The following LSM14A variants were observed in gnomAD, a reference collection of about 807,000 sequenced individuals.
LSM14A encodes LSM14A mRNA processing body assembly factor, also known as protein LSM14 homolog A.
Under a neutral mutation model 52.4 loss-of-function variants are expected in LSM14A, and 14 were observed. The observed-to-expected ratio is 0.27, with a 90% CI of 0.18 to 0.42. The LOEUF (loss-of-function observed/expected upper bound fraction) is 0.42. Among genes scored for constraint, LSM14A ranks in the 10% least tolerant of loss-of-function variants. The pLI is 1.00. For synonymous variants in LSM14A, 185 were observed against 200.3 expected, an observed-to-expected ratio of 0.92 and a Z score of 0.64; for missense variants, 417 against 581.8, an observed-to-expected ratio of 0.72 and a Z score of 2.91.
intron 3 of LSM14A, 51 bp downstream of exon 3, chr19:34,196,814 T>C (rs1413821284): frequency 2.0e-6 from 3 of 1,503,496 alleles, no homozygotes; most frequent in Non-Finnish European, 2.7e-6. Context: ...TTCCTTTCTT[T>C]ACCACAAAGG....
chr19:34,192,316 G>GGTTTTTTTTTTTT (rs1341848304), intron 1 of LSM14A, among the ~76,000 whole-genome samples: 2 of 65,822 alleles, frequency 3.0e-5, no homozygotes, highest in South Asian at 4.4e-4. Flanking sequence ...CATTCTTTTT[G>GGTTTTTTTTTTTT]TTGTTTTTTT....
chr19:34,213,600 ATAT>A (rs1219362101), intron 4 of LSM14A, among the ~76,000 whole-genome samples: 1 of 152,176 alleles, frequency 6.6e-6, no homozygotes, highest in African/African-American at 2.4e-5. Context: ...GCAAAACATT[ATAT>A]TTTGGAATAA....
intron 4 of LSM14A, among the ~76,000 whole-genome samples, chr19:34,214,818 T>C (rs2072455917): frequency 2.1e-5 from 2 of 93,190 alleles, no homozygotes; most frequent in South Asian, 9.5e-4. Context: ...TGGCAGCAAT[T>C]TTTTTTTTTT....
chr19:34,221,912 C>CA, intron 9 of LSM14A, 174 bp downstream of exon 9: 1 of 1,271,358 alleles, frequency 7.9e-7, no homozygotes, highest in African/African-American at 1.5e-5. Flanking sequence ...AGACATTATA[C>CA]AAAAAAAGAC....
At chr19:34,182,681 C>CA (rs74177115) in intron 1 of LSM14A, among the ~76,000 whole-genome samples, 45,359 of 108,604 alleles carry the variant, frequency 0.42, 8,189 homozygotes, top group Non-Finnish European at 0.45. Context: ...ACTAAAAATA[C>CA]AAAAAAAAAA....
intron 1 of LSM14A, among the ~76,000 whole-genome samples, chr19:34,192,019 G>A (rs1690273880): frequency 1.4e-5 from 2 of 147,202 alleles, no homozygotes; most frequent in South Asian, 4.3e-4. Flanking sequence ...TCTCTGGGGG[G>A]CAGGAGAGGG....
chr19:34,215,685 A>T, intron 6 of LSM14A, 24 bp downstream of exon 6: 6 of 1,498,528 alleles, frequency 4.0e-6, no homozygotes, highest in South Asian at 1.1e-5. Flanking sequence ...TCTAAAAGTC[A>T]TATTCTATGC....
chr19:34,214,590 T>TA (rs1473673049), intron 4 of LSM14A, among the ~76,000 whole-genome samples: 1 of 152,226 alleles, frequency 6.6e-6, no homozygotes, highest in Non-Finnish European at 1.5e-5. Flanking sequence ...ATTACAGGCA[T>TA]ATGCCACTGC....
chr19:34,172,741 C>T lies in LSM14A; in HGVS notation c.99C>T (p.Asn33=). 6.3e-7 allele frequency: 1 copy of T among 1,576,334 alleles called. No homozygotes were observed. The highest frequency in any genetic ancestry group is 8.6e-7 in the Non-Finnish European group (1 of 1,163,060). Residue 33 remains asparagine (N), a synonymous_variant, in exon 1 of 10, where the codon AAC becomes AAT. Transcript: ENST00000544216. ...EGILYTIDTE[N]STVALAKVRS... ...TCCTCTACACCATCGACACCGAAAACTCCACCGTAGCCCTTGCCAAAGGTA... is the reference window on the plus strand; with the variant it reads ...TCCTCTACACCATCGACACCGAAAATTCCACCGTAGCCCTTGCCAAAGGTA...
At position 34,212,600 on chromosome 19, in the gene LSM14A, A is replaced by C. The variant is rs554075508; in HGVS notation, c.539-2524A>C. ...TAAGTTTTATCAACTAAAATTGCTG[A>C]ATTTCACAAAATTAAAATTCCTAGA... is the stretch of plus-strand genomic sequence containing the variant. On this transcript the variant is annotated intron_variant, in intron 4 of 9. Transcript: ENST00000544216. Among the ~76,000 whole-genome samples, 79 of 152,364 alleles carry C rather than the reference A, an allele frequency of 5.2e-4. 1 individual carries two copies. In the South Asian group the frequency reaches 0.016, roughly 31 times the overall value.
Position 34,192,316 on chromosome 19 carries a change from G to GT in LSM14A, c.122-2160dup, listed in dbSNP as rs1306000214. 3.3e-3 allele frequency among the ~76,000 whole-genome samples: 220 copies of GT among 65,696 alleles called. 8 individuals carry two copies. The highest frequency in any genetic ancestry group is 4.3e-3 in the Non-Finnish European group (149 of 34,488). 43.1% of individuals were successfully genotyped at this position (65,696 alleles called of 152,430 possible). A position where few individuals can be genotyped will look rare whatever the true frequency, so the allele number is the denominator to read the frequency against. ...TTTACACTGAAATAACATTCTTTTT[G>GT]TTGTTTTTTTTTTTTTTTTTTTTTT... On this transcript the variant is annotated intron_variant, in intron 1 of 9. Coordinates refer to ENST00000544216, the MANE Select transcript of LSM14A (RefSeq NM_015578.4).
chr19:34,215,447 C>G, intron 5 of LSM14A, 147 bp downstream of exon 5: 1 of 1,125,202 alleles, frequency 8.9e-7, no homozygotes, highest in East Asian at 2.4e-5. Context: ...AAATTTGACT[C>G]AAAGTGGTGG....
At chr19:34,188,633 G>T (rs2070118968) in intron 1 of LSM14A, among the ~76,000 whole-genome samples, 1 of 151,920 alleles carries the variant, frequency 6.6e-6, no homozygotes, top group South Asian at 2.1e-4. Context: ...ATACCCTGTT[G>T]ACCACTAACC....
At position 34,219,422 on chromosome 19, in the gene LSM14A, G is replaced by C. The variant is rs1309266971; in HGVS notation, c.813G>C (p.Gly271=). 1 of 1,613,774 alleles carries C rather than the reference G, an allele frequency of 6.2e-7. No individual in the cohort carries two copies. ...GTGCTCCTTCAGCTCCAAGGAGAGG[G>C]CGTGGGGGTCATCGGGGTGGCAGGG... ...APGAPSAPRR[G]RGGHRGGRGR... is the part of the protein sequence containing the mutation. The change falls in exon 7 of 10, where the codon GGG becomes GGC. Residue 271 remains glycine, a synonymous_variant. Transcript: ENST00000544216.
intron 3 of LSM14A, among the ~76,000 whole-genome samples, chr19:34,202,160 G>A (rs541110045): frequency 7.0e-6 from 1 of 142,612 alleles, no homozygotes; most frequent in South Asian, 2.2e-4. Context: ...TTGGTTGGTT[G>A]GTTTGGTTTT....
chr19:34,194,697 T>G (rs1774754226), intron 2 of LSM14A, 56 bp downstream of exon 2: 2 of 1,551,450 alleles, frequency 1.3e-6, no homozygotes, highest in Non-Finnish European at 1.8e-6. Flanking sequence ...AGGGTTAGCC[T>G]TGGCTTTTTT....
intron 1 of LSM14A, among the ~76,000 whole-genome samples, chr19:34,179,300 G>A (rs993367110): frequency 5.3e-5 from 8 of 152,198 alleles, no homozygotes; most frequent in Non-Finnish European, 7.3e-5. Context: ...CTTGATGTTA[G>A]TCACATAGTC....
Position 34,220,150 on chromosome 19 carries a change from G to C in LSM14A, c.1136+273G>C, listed in dbSNP as rs1006632126. On this transcript the variant is annotated intron_variant, in intron 8 of 9. Transcript: ENST00000544216. ...CCCGGCTAATTTTTTTCATTTTTTT[G>C]TAGAGATGGGGGTCTCGCTATGTTG... Among the ~76,000 whole-genome samples, 4 of 152,052 alleles carry C rather than the reference G, an allele frequency of 2.6e-5. No homozygotes were observed. The South Asian group carries it at 6.2e-4, about 24-fold the overall frequency.
At chr19:34,216,925 G>T (rs915102023) in intron 6 of LSM14A, among the ~76,000 whole-genome samples, 3 of 152,084 alleles carry the variant, frequency 2.0e-5, no homozygotes, top group Admixed American at 6.6e-5. Flanking sequence ...TTTGGGAATG[G>T]AATTTTCTTC....
Sources: allele counts gnomAD v4.1 joint callset (sites outside exome capture counted in the v4.1 genomes callset), GRCh38; gene constraint gnomAD v4.1.1; transcripts MANE v1.5; gene names NCBI Gene and HGNC (gene_info 2026-07-23, HGNC 2026-07-21).